The following GSKIP variants were observed in gnomAD, a reference collection of about 807,000 sequenced individuals.
GSKIP encodes GSK3B interacting protein.
GSKIP carries 5 observed loss-of-function variants against 11.9 expected under a neutral mutation model. The ratio of observed to expected loss-of-function variants is 0.42; its 90% confidence interval spans 0.22 to 0.89. GSKIP has a LOEUF of 0.89. Ranked by LOEUF, GSKIP falls within the 40% of genes least tolerant of loss-of-function variation. The pLI is 0.29. For synonymous variants in GSKIP, 70 were observed against 62.9 expected, an observed-to-expected ratio of 1.11 and a Z score of -0.54; for missense variants, 150 against 166.6, an observed-to-expected ratio of 0.90 and a Z score of 0.55.
At chr14:96,367,615 T>C (rs1401149194) in intron 1 of GSKIP, among the ~76,000 whole-genome samples, 2 of 152,218 alleles carry the variant, frequency 1.3e-5, no homozygotes, top group Non-Finnish European at 2.9e-5. Context: ...GATAAAGCTC[T>C]TTGATGCTCT....
In GSKIP at chr14:96,387,088, G is replaced by A. The variant is rs1283935361; in HGVS notation, c.*1404G>A. Reference sequence around the variant, plus strand: ...GTTTGATGATGTATGTTCATTCTCAGCTTTATTTTCAGATGCTTAACTGGG... The same window carrying A: ...GTTTGATGATGTATGTTCATTCTCAACTTTATTTTCAGATGCTTAACTGGG... On this transcript the variant is annotated 3_prime_UTR_variant, in exon 4 of 4. Coordinates refer to ENST00000555181, the MANE Select transcript of GSKIP (RefSeq NM_016472.5). 2.6e-5 allele frequency: 4 copies of A among 152,188 alleles called. No homozygotes were observed. Among genetic ancestry groups the A allele is most frequent in the Non-Finnish European group, 5.9e-5 (4 of 68,032 alleles). 9.4% of individuals were successfully genotyped at this position (152,188 alleles called of 1,614,324 possible).
chr14:96,382,526 GA>G (rs752438974), intron 3 of GSKIP, 21 bp downstream of exon 3: 85 of 1,531,884 alleles, frequency 5.5e-5, no homozygotes, highest in South Asian at 8.5e-5. Context: ...TTTCCTTTTA[GA>G]AAAAAAAATT....
intron 2 of GSKIP, among the ~76,000 whole-genome samples, chr14:96,380,662 G>A (rs990722415): frequency 3.9e-5 from 6 of 152,150 alleles, no homozygotes; most frequent in African/African-American, 1.4e-4. Flanking sequence ...GTACCAGATC[G>A]GTGTCCATAT....
At chr14:96,375,438 T>C (rs972149517) in intron 1 of GSKIP, among the ~76,000 whole-genome samples, 7 of 69,912 alleles carry the variant, frequency 1.0e-4, no homozygotes, top group African/African-American at 3.7e-4. Context: ...TTTTCTCTCT[T>C]TTTTTTTTTT....
intron 3 of GSKIP, among the ~76,000 whole-genome samples, chr14:96,382,986 A>T (rs17094071): frequency 0.32 from 48,083 of 151,996 alleles, 8,118 homozygotes; most frequent in African/African-American, 0.42. Flanking sequence ...TGTCCCATTA[A>T]CCCTTTATTA....
intron 1 of GSKIP, among the ~76,000 whole-genome samples, chr14:96,367,254 T>C (rs1034580023): frequency 2.0e-5 from 3 of 152,242 alleles, no homozygotes; most frequent in Non-Finnish European, 2.9e-5. Context: ...AGGAGGAATG[T>C]GTGACTGAGA....
Position 96,385,966 on chromosome 14 carries a change from A to G in GSKIP, c.*282A>G, listed in dbSNP as rs898431874. On this transcript the variant is annotated 3_prime_UTR_variant, in exon 4 of 4. Coordinates refer to ENST00000555181, the MANE Select transcript of GSKIP (RefSeq NM_016472.5). ...CAAATCCTAATCACTATTTCATACTATTACAGGGCTTTGATGCTGCCAGCA... is the reference window on the plus strand; with the variant it reads ...CAAATCCTAATCACTATTTCATACTGTTACAGGGCTTTGATGCTGCCAGCA... The G allele has an allele frequency of 3.5e-6, 1 of 289,712 alleles. No homozygotes were observed. The highest frequency in any genetic ancestry group is 2.2e-5 in the African/African-American group (1 of 44,886). The allele number at this position is 289,712 out of a possible 1,614,324, so 17.9% of individuals were successfully genotyped here.
chr14:96,374,315 G>T (rs1889138455), intron 1 of GSKIP, among the ~76,000 whole-genome samples: 1 of 152,150 alleles, frequency 6.6e-6, no homozygotes, highest in African/African-American at 2.4e-5. Flanking sequence ...TAAAATTAGA[G>T]TCCCCAAAGA....
chr14:96,382,380 C>T lies in GSKIP; in HGVS notation c.133C>T (p.Leu45Phe). The change falls in exon 3 of 4, where the codon CTC becomes TTC. Residue 45 changes from leucine (L) to phenylalanine (F), a missense_variant. Physicochemically the swap from Leu to Phe is conservative, Grantham distance 22. Transcript: ENST00000555181. ...AGCTGAAGCAGTTGTAAATGATGTT[C>T]TCTTTGCTGTTAACAACATGTTTGT... ...LEAEAVVNDV[L>F]FAVNNMFVSK... The T allele has an allele frequency of 1.2e-6, 2 of 1,613,956 alleles. No individual in the cohort carries two copies. Among genetic ancestry groups the T allele is most frequent in the South Asian group, 1.1e-5 (1 of 91,072 alleles).
At position 96,382,436 on chromosome 14, in the gene GSKIP, G is replaced by A; in HGVS notation, c.189G>A (p.Val63=). 6.2e-7 allele frequency: 1 copy of A among 1,612,568 alleles called. No homozygotes were observed. Among genetic ancestry groups the A allele is most frequent in the Non-Finnish European group, 8.5e-7 (1 of 1,178,796 alleles). ...AAAGCCTGCGGTGTGCGGATGATGT[G>A]GCCTATATCAATGTGGAAACAAAGG... ...VSKSLRCADD[V]AYINVETKER... Residue 63 remains valine, a synonymous_variant, in exon 3 of 4, where the codon GTG becomes GTA. Coordinates refer to ENST00000555181, the MANE Select transcript of GSKIP (RefSeq NM_016472.5).
chr14:96,372,643 G>C (rs890758087), intron 1 of GSKIP, among the ~76,000 whole-genome samples: 1 of 152,178 alleles, frequency 6.6e-6, no homozygotes, highest in East Asian at 1.9e-4. Context: ...TAGTATAGGT[G>C]ATCCCTGAGA....
intron 1 of GSKIP, among the ~76,000 whole-genome samples, chr14:96,375,384 A>G (rs1297565357): frequency 6.6e-6 from 1 of 152,030 alleles, no homozygotes; most frequent in African/African-American, 2.4e-5. Flanking sequence ...TTATAACAGA[A>G]TACCTGAAAC....
chr14:96,370,429 A>G (rs752149593), intron 1 of GSKIP, among the ~76,000 whole-genome samples: 1 of 152,120 alleles, frequency 6.6e-6, no homozygotes, highest in Non-Finnish European at 1.5e-5. Context: ...CTCTTGTCAA[A>G]ATATGATCCC....
Position 96,385,549 on chromosome 14 carries a change from A to G in GSKIP, c.285A>G (p.Val95=). ...LKVVGYAFDQ[V]DDHLQTPYHE... ...TGGTAGGCTATGCTTTTGACCAGGTAGATGATCATTTACAGACTCCCTACC... is the reference window on the plus strand; with the variant it reads ...TGGTAGGCTATGCTTTTGACCAGGTGGATGATCATTTACAGACTCCCTACC... Residue 95 remains valine, a synonymous_variant, in exon 4 of 4, where the codon GTA becomes GTG. Coordinates refer to ENST00000555181, the MANE Select transcript of GSKIP (RefSeq NM_016472.5). 1 of 1,612,376 alleles carries G rather than the reference A, an allele frequency of 6.2e-7. No homozygotes were observed. The highest frequency in any genetic ancestry group is 8.5e-7 in the Non-Finnish European group (1 of 1,179,240).
At chr14:96,382,194 T>G (rs1415198362) in intron 2 of GSKIP, 53 bp from the exon 3 acceptor site, 1 of 1,316,906 alleles carries the variant, frequency 7.6e-7, no homozygotes, top group East Asian at 2.4e-5. Flanking sequence ...ATGTAGTAGT[T>G]TGAATGTCTT....
At position 96,382,276 on chromosome 14, in the gene GSKIP, T is replaced by C; in HGVS notation, c.29T>C (p.Leu10Pro). The C allele has an allele frequency of 6.2e-7, 1 of 1,611,108 alleles. No individual in the cohort carries two copies. The highest frequency in any genetic ancestry group is 1.1e-5 in the South Asian group (1 of 90,986). METDCNPME[L>P]SSMSGFEEGS... The stretch of plus-strand genomic sequence containing the variant: ...GAAACAGACTGTAATCCCATGGAGC[T>C]AAGCAGTATGTCAGGATTTGAAGAA... The change falls in exon 3 of 4, where the codon CTA becomes CCA. Residue 10 changes from leucine (L) to proline (P), a missense_variant. Coordinates refer to ENST00000555181, the MANE Select transcript of GSKIP (RefSeq NM_016472.5).
At chr14:96,365,716 C>A (rs1315323944) in intron 1 of GSKIP, among the ~76,000 whole-genome samples, 1 of 151,926 alleles carries the variant, frequency 6.6e-6, no homozygotes, top group Non-Finnish European at 1.5e-5. Flanking sequence ...CACCTGTAAT[C>A]CCAGCTACTT....
chr14:96,380,206 GT>G (rs1289951009), intron 2 of GSKIP: 1 of 152,126 alleles, frequency 6.6e-6, no homozygotes, highest in African/African-American at 2.4e-5. Context: ...GACTAATTCT[GT>G]AAAGTGCTGT....
Position 96,385,701 on chromosome 14 carries a change from C to T in GSKIP, c.*17C>T, listed in dbSNP as rs1427139323. 1.9e-6 allele frequency: 3 copies of T among 1,598,076 alleles called. No individual in the cohort carries two copies. Among genetic ancestry groups the T allele is most frequent in the African/African-American group, 2.7e-5 (2 of 74,158 alleles). On this transcript the variant is annotated 3_prime_UTR_variant, in exon 4 of 4. Transcript: ENST00000555181. The stretch of plus-strand genomic sequence containing the variant: ...CAGTCATGACTACACTTTTTCCTTT[C>T]AGAGGGGCTGGTGCTGGTACAGAAT...
Sources: gnomAD v4.1 joint callset for allele counts (sites outside exome capture counted in the v4.1 genomes callset) on GRCh38, gnomAD v4.1.1 for gene constraint, MANE v1.5 for transcripts, NCBI Gene and HGNC (gene_info 2026-07-23, HGNC 2026-07-21) for gene names.